Variants in SDK1 observed in about 807,000 individuals in gnomAD.
The protein encoded by SDK1 is sidekick cell adhesion molecule 1.
A neutral mutation model predicts 245.5 loss-of-function variants in SDK1; 157 were observed. That is an observed-to-expected ratio of 0.64 (90% CI 0.56 to 0.73). SDK1 has a LOEUF of 0.73. Ranked by LOEUF, SDK1 falls within the 30% of genes least tolerant of loss-of-function variation. The pLI, the probability that SDK1 is intolerant of heterozygous loss-of-function variation, is 0.00. For missense variants in SDK1, 3,583 were observed against 3,002.3 expected (o/e 1.19, Z -4.52); for synonymous variants, 1,647 against 1,278.5 (o/e 1.29, Z -6.15).
rs369214892 is a variant in SDK1 at position 3,739,574 on chromosome 7, C to G, written c.714-81876C>G. Among the ~76,000 whole-genome samples the G allele has an allele frequency of 6.6e-5, 10 of 152,094 alleles. No homozygotes were observed. In the South Asian group the frequency reaches 1.3e-3, roughly 19 times the overall value. On this transcript the variant is annotated intron_variant, in intron 4 of 44. Coordinates refer to ENST00000404826, the MANE Select transcript of SDK1 (RefSeq NM_152744.4). Reference sequence around the variant, plus strand: ...GATTAAAATATACTGTTGAGTCCCTCCAGTGAATTTATTTGTTATTTTACC... The same window carrying G: ...GATTAAAATATACTGTTGAGTCCCTGCAGTGAATTTATTTGTTATTTTACC...
intron 1 of SDK1, among the ~76,000 whole-genome samples, chr7:3,488,783 C>T (rs994866582): frequency 2.0e-5 from 3 of 152,200 alleles, no homozygotes; most frequent in African/African-American, 7.2e-5. Context: ...CTTCCCTACT[C>T]AATCTGACAG....
intron 12 of SDK1, among the ~76,000 whole-genome samples, chr7:3,973,127 C>T (rs542692790): frequency 3.1e-4 from 47 of 152,274 alleles, no homozygotes; most frequent in African/African-American, 9.6e-4. Context: ...TACTCGCTCT[C>T]GGGGTGCCCC....
intron 4 of SDK1, among the ~76,000 whole-genome samples, chr7:3,712,959 C>A (rs182100475): frequency 4.1e-4 from 62 of 152,300 alleles, no homozygotes; most frequent in Non-Finnish European, 7.4e-4. Flanking sequence ...GAGCTGCAAA[C>A]CCATATGCCT....
chr7:3,957,981 T>C (rs1448641710), intron 7 of SDK1: 1 of 470,856 alleles, frequency 2.1e-6, no homozygotes, highest in Non-Finnish European at 4.4e-6. Context: ...CTTCAGCCGC[T>C]TCCCCCTTAA....
chr7:4,186,709 A>G (rs916525472), intron 35 of SDK1, among the ~76,000 whole-genome samples: 1 of 152,012 alleles, frequency 6.6e-6, no homozygotes, highest in African/African-American at 2.4e-5. Flanking sequence ...GAGAGACCAG[A>G]AGCCCCCAGC....
chr7:3,353,236 A>G (rs552843515), intron 1 of SDK1, among the ~76,000 whole-genome samples: 1 of 152,256 alleles, frequency 6.6e-6, no homozygotes, highest in Non-Finnish European at 1.5e-5. Context: ...CCTTTTTACT[A>G]TCCTTTTCTT....
intron 5 of SDK1, among the ~76,000 whole-genome samples, chr7:3,920,183 T>C (rs908385821): frequency 1.3e-5 from 2 of 152,102 alleles, no homozygotes; most frequent in African/African-American, 4.8e-5. Context: ...CAGGGGAAGA[T>C]CACGCTGTGC....
rs143937483 is a variant in SDK1 at position 3,413,511 on chromosome 7, A to G, written c.298+111627A>G. Among the ~76,000 whole-genome samples the G allele has an allele frequency of 2.9e-3, 442 of 152,070 alleles. 18 individuals carry two copies. The East Asian group carries it at 0.079, about 27-fold the overall frequency. On this transcript the variant is annotated intron_variant, in intron 1 of 44. Coordinates refer to ENST00000404826, the MANE Select transcript of SDK1 (RefSeq NM_152744.4). Reference sequence around the variant, plus strand: ...AGAGTTTGAGACCAGCCTGGCCAACATAGTGAAACTCCGTCTCTACTAAAG... The same window carrying G: ...AGAGTTTGAGACCAGCCTGGCCAACGTAGTGAAACTCCGTCTCTACTAAAG...
At chr7:3,752,629 T>G (rs763013945) in intron 4 of SDK1, among the ~76,000 whole-genome samples, 4 of 152,222 alleles carry the variant, frequency 2.6e-5, no homozygotes, top group Non-Finnish European at 5.9e-5. Flanking sequence ...AGCATGGATT[T>G]ACGTCATCTG....
At chr7:3,818,140 A>AT (rs1298335640) in intron 4 of SDK1, among the ~76,000 whole-genome samples, 1 of 152,202 alleles carries the variant, frequency 6.6e-6, no homozygotes, top group Non-Finnish European at 1.5e-5. Flanking sequence ...ATGAGGTTTC[A>AT]TTTTTAAATG....
At chr7:4,116,733 C>G (rs553810761) in intron 25 of SDK1, among the ~76,000 whole-genome samples, 1 of 152,320 alleles carries the variant, frequency 6.6e-6, no homozygotes, top group East Asian at 1.9e-4. Flanking sequence ...TAAGCAGTAG[C>G]AGGGAGAAGC....
rs894538309 is a variant in SDK1 at position 4,265,736 on chromosome 7, G to C, written c.*352G>C. On this transcript the variant is annotated 3_prime_UTR_variant, in exon 45 of 45. Transcript: ENST00000404826. ...AAGACCAACTAGGAAGGGTCAAGCG[G>C]GGAGAGGGAGTGGAGGGTCAGGTGA... 8 of 1,064,118 alleles carry C rather than the reference G, an allele frequency of 7.5e-6. No homozygotes were observed. The African/African-American group carries it at 8.4e-5, about 11-fold the overall frequency. The allele number at this position is 1,064,118 out of a possible 1,614,324, so 65.9% of individuals were successfully genotyped here. A position where few individuals can be genotyped will look rare whatever the true frequency, so the allele number is the denominator to read the frequency against.
chr7:3,483,169 C>A (rs1465794839), intron 1 of SDK1, among the ~76,000 whole-genome samples: 1 of 152,088 alleles, frequency 6.6e-6, no homozygotes, highest in Non-Finnish European at 1.5e-5. Flanking sequence ...ATAGGGGTTA[C>A]CTTTATAGAT....
chr7:3,833,201 T>A (rs1281871765), intron 5 of SDK1, among the ~76,000 whole-genome samples: 2 of 152,148 alleles, frequency 1.3e-5, no homozygotes, highest in Non-Finnish European at 2.9e-5. Flanking sequence ...TTTTAGTTCC[T>A]AAGTCGAACT....
At chr7:4,007,770 A>AT (rs200995659) in intron 14 of SDK1, among the ~76,000 whole-genome samples, 7,643 of 151,770 alleles carry the variant, frequency 0.05, 511 homozygotes, top group East Asian at 0.21. Context: ...CGCCCGGCTA[A>AT]TTTTTTTGTA....
Position 4,112,005 on chromosome 7 carries a change from C to T in SDK1, c.3434+1233C>T, listed in dbSNP as rs142939620. Among the ~76,000 whole-genome samples, 808 of 152,228 alleles carry T rather than the reference C, an allele frequency of 5.3e-3. 10 individuals are homozygous for T. The highest frequency in any genetic ancestry group is 0.017 in the African/African-American group (721 of 41,528). On this transcript the variant is annotated intron_variant, in intron 23 of 44. Transcript: ENST00000404826. Reference sequence around the variant, plus strand: ...ATGGAATCACAGAGTGTGGTGTGAGCGGATAGAGGCCTCAGTTACCTGACA... The same window carrying T: ...ATGGAATCACAGAGTGTGGTGTGAGTGGATAGAGGCCTCAGTTACCTGACA...
Position 4,092,580 on chromosome 7 carries a change from C to T in SDK1, c.3324+12996C>T, listed in dbSNP as rs1394373919. ...AGACTCCAGGGCTGCCTCTCACAGCCTCTCACCCGGGAAGCGGTTGTTGAC... is the reference window on the plus strand; with the variant it reads ...AGACTCCAGGGCTGCCTCTCACAGCTTCTCACCCGGGAAGCGGTTGTTGAC... On this transcript the variant is annotated intron_variant, in intron 22 of 44. Coordinates refer to ENST00000404826, the MANE Select transcript of SDK1 (RefSeq NM_152744.4). Among the ~76,000 whole-genome samples the T allele has an allele frequency of 4.6e-5, 7 of 152,230 alleles. 1 individual carries two copies. The highest frequency in any genetic ancestry group is 4.6e-4 in the Admixed American group (7 of 15,290).
At chr7:3,529,088 G>C (rs1783253493) in intron 1 of SDK1, among the ~76,000 whole-genome samples, 1 of 152,120 alleles carries the variant, frequency 6.6e-6, no homozygotes, top group Non-Finnish European at 1.5e-5. Flanking sequence ...CAACAGATAA[G>C]GGATTTATAA....
chr7:3,367,883 A>T (rs1312278086), intron 1 of SDK1, among the ~76,000 whole-genome samples: 5 of 152,242 alleles, frequency 3.3e-5, no homozygotes, highest in African/African-American at 1.2e-4. Flanking sequence ...ATGAATATAT[A>T]GGAAAATGTT....
Sources: allele counts gnomAD v4.1 joint callset (sites outside exome capture counted in the v4.1 genomes callset), GRCh38; gene constraint gnomAD v4.1.1; transcripts MANE v1.5; gene names NCBI Gene and HGNC (gene_info 2026-07-23, HGNC 2026-07-21).